The following SYT10 variants were observed in gnomAD, a reference collection of about 807,000 sequenced individuals.
The protein encoded by SYT10 is synaptotagmin 10.
SYT10 carries 31 observed loss-of-function variants against 51.1 expected under a neutral mutation model. The ratio of observed to expected loss-of-function variants is 0.61; its 90% CI spans 0.46 to 0.82. The LOEUF (loss-of-function observed/expected upper bound fraction) is 0.82. Among genes scored for constraint, SYT10 ranks in the 40% least tolerant of loss-of-function variants. The pLI, the probability that SYT10 is intolerant of heterozygous loss-of-function variation, is 0.00. For synonymous variants in SYT10, 233 were observed against 225.9 expected (o/e 1.03, Z -0.28); for missense variants, 603 against 634.0 (o/e 0.95, Z 0.53).
At chr12:33,390,718 T>A (rs1412042892) in intron 3 of SYT10, among the ~76,000 whole-genome samples, 1 of 152,180 alleles carries the variant, frequency 6.6e-6, no homozygotes, top group Non-Finnish European at 1.5e-5. Context: ...ATTCATTCAT[T>A]AGCACGGTCA....
At chr12:33,428,413 A>C (rs1409213715) in intron 1 of SYT10, among the ~76,000 whole-genome samples, 1 of 152,218 alleles carries the variant, frequency 6.6e-6, no homozygotes, top group Non-Finnish European at 1.5e-5. Context: ...AGGAGAAAGA[A>C]AGATATGCAA....
At chr12:33,415,620 C>T (rs1866446159) in intron 2 of SYT10, among the ~76,000 whole-genome samples, 1 of 152,178 alleles carries the variant, frequency 6.6e-6, no homozygotes, top group Admixed American at 6.5e-5. Context: ...AAATTTATCT[C>T]TATTTTAATA....
intron 3 of SYT10, among the ~76,000 whole-genome samples, chr12:33,399,076 A>T (rs1319050391): frequency 6.6e-6 from 1 of 152,208 alleles, no homozygotes; most frequent in Non-Finnish European, 1.5e-5. Flanking sequence ...TTACCAGTAC[A>T]ACCATGTAGG....
chr12:33,434,356 AT>A (rs1303297319), intron 1 of SYT10, among the ~76,000 whole-genome samples: 1 of 152,204 alleles, frequency 6.6e-6, no homozygotes, highest in East Asian at 1.9e-4. Flanking sequence ...TCTATATAGG[AT>A]ATTGTATTAG....
intron 1 of SYT10, among the ~76,000 whole-genome samples, chr12:33,438,917 G>T (rs1236786297): frequency 2.0e-5 from 3 of 152,246 alleles, no homozygotes; most frequent in Admixed American, 2.0e-4. Context: ...TGTCCGTCCC[G>T]CCTGGCCCCC....
At chr12:33,394,222 T>G (rs1309729008) in intron 3 of SYT10, among the ~76,000 whole-genome samples, 2 of 152,222 alleles carry the variant, frequency 1.3e-5, no homozygotes, top group Non-Finnish European at 2.9e-5. Context: ...CTAAAAGCAC[T>G]GTAAAAGCAT....
chr12:33,389,050 A>G (rs1434809899), intron 3 of SYT10, among the ~76,000 whole-genome samples: 1 of 152,248 alleles, frequency 6.6e-6, no homozygotes, highest in African/African-American at 2.4e-5. Flanking sequence ...GGCTTAAAGA[A>G]TTAACCAGAT....
chr12:33,381,229 T>G (rs1866112208), intron 5 of SYT10, among the ~76,000 whole-genome samples: 1 of 152,158 alleles, frequency 6.6e-6, no homozygotes, highest in African/African-American at 2.4e-5. Context: ...AAGTTAAAAT[T>G]TTTTAAAAAT....
At chr12:33,402,125 T>C (rs73089921) in intron 3 of SYT10, among the ~76,000 whole-genome samples, 1 of 152,308 alleles carries the variant, frequency 6.6e-6, no homozygotes, top group Non-Finnish European at 1.5e-5. Context: ...CTCTGATCCA[T>C]TGTACACGTG....
rs1357238363 is a variant in SYT10, at chr12:33,387,125, CT to C, written c.1078-1835del. On this transcript the variant is annotated intron_variant, in intron 3 of 6. Transcript: ENST00000228567. The stretch of plus-strand genomic sequence containing the variant: ...AGGTCCACAGAGCTGGGGTCTTAAA[CT>C]TTTTTCATGATACACTATTAACATC... Among the ~76,000 whole-genome samples the C allele has an allele frequency of 2.0e-5, 3 of 152,074 alleles. No homozygotes were observed. In the East Asian group the frequency reaches 5.8e-4, roughly 29 times the overall value.
chr12:33,386,836 C>T lies in SYT10; in HGVS notation c.1078-1545G>A, dbSNP rs1292504125. Among the ~76,000 whole-genome samples the T allele has an allele frequency of 8.5e-5, 13 of 152,224 alleles. No homozygotes were observed. The East Asian group carries it at 2.3e-3, about 27-fold the overall frequency. On this transcript the variant is annotated intron_variant, in intron 3 of 6. Transcript: ENST00000228567. ...ATACCAGTTCATATTTTTTGAAGAA[C>T]TGAATACATTATTTAATTAATCTGG... is the stretch of plus-strand genomic sequence containing the variant.
At chr12:33,410,672 G>A (rs57100092) in intron 2 of SYT10, among the ~76,000 whole-genome samples, 1,716 of 152,300 alleles carry the variant, frequency 0.011, 27 homozygotes, top group African/African-American at 0.037. Context: ...AGAATGAGAA[G>A]CTTTAGTGTG....
At chr12:33,428,617 C>T (rs146676751) in intron 1 of SYT10, among the ~76,000 whole-genome samples, 11 of 152,226 alleles carry the variant, frequency 7.2e-5, no homozygotes, top group Admixed American at 1.3e-4. Flanking sequence ...GATTAAGAAA[C>T]GACTGGCGGC....
In SYT10 at chr12:33,407,284, T is replaced by A; in HGVS notation, c.582A>T (p.Glu194Asp). The A allele has an allele frequency of 6.2e-7, 1 of 1,612,994 alleles. No individual in the cohort carries two copies. Among genetic ancestry groups the A allele is most frequent in the South Asian group, 1.1e-5 (1 of 91,078 alleles). Residue 194 changes from glutamate to aspartate, a missense_variant, in exon 3 of 7, where the codon GAA becomes GAT. Transcript: ENST00000228567. ...VSSVDFSMGT[E>D]PVLQRGETTT... ...TTGTTTCTCCTCGTTGTAAAACAGG[T>A]TCTGTGCCCATGCTAAAATCAACAC...
Position 33,392,985 on chromosome 12 carries a change from TAAAAAAAAAAAAAA to T in SYT10, c.1078-7708_1078-7695del, listed in dbSNP as rs71068378. 5.1e-5 allele frequency among the ~76,000 whole-genome samples: 3 copies of T among 59,088 alleles called. 1 individual carries two copies. Among genetic ancestry groups the T allele is most frequent in the African/African-American group, 1.8e-4 (2 of 11,064 alleles). The allele number at this position is 59,088 out of a possible 152,430, so 38.8% of individuals were successfully genotyped here. A position where few individuals can be genotyped will look rare whatever the true frequency, so the allele number is the denominator to read the frequency against. ...CAAAAATAATTGTGGTTTTTGCCAT[TAAAAAAAAAAAAAA>T]AAAAAAAAAAAAAAATTGCAAAAAC... is the stretch of plus-strand genomic sequence containing the variant. On this transcript the variant is annotated intron_variant, in intron 3 of 6. Transcript: ENST00000228567.
chr12:33,417,981 C>G (rs1866469722), intron 2 of SYT10, among the ~76,000 whole-genome samples: 1 of 152,198 alleles, frequency 6.6e-6, no homozygotes, highest in African/African-American at 2.4e-5. Flanking sequence ...ATTCACCCTA[C>G]TTTCTCTTTG....
Position 33,376,273 on chromosome 12 carries a change from CA to C in SYT10, c.*556del, listed in dbSNP as rs1866061159. On this transcript the variant is annotated 3_prime_UTR_variant, in exon 7 of 7. Transcript: ENST00000228567. ...CTTGAGAGACAAGTTTTGAGTTTAG[CA>C]GAGCCAAACCTCACCAAGAAAGTAA... 2.0e-5 allele frequency: 3 copies of C among 152,138 alleles called. No individual in the cohort carries two copies. In the South Asian group the frequency reaches 6.2e-4, roughly 32 times the overall value. The allele number at this position is 152,138 out of a possible 1,614,324, so 9.4% of individuals were successfully genotyped here.
At chr12:33,388,307 T>C (rs1166875223) in intron 3 of SYT10, among the ~76,000 whole-genome samples, 1 of 152,186 alleles carries the variant, frequency 6.6e-6, no homozygotes, top group Non-Finnish European at 1.5e-5. Context: ...ATATGTTCTG[T>C]TCAAGAAAAT....
chr12:33,387,749 T>TTTG (rs1008323638), intron 3 of SYT10, among the ~76,000 whole-genome samples: 1 of 129,360 alleles, frequency 7.7e-6, no homozygotes, highest in African/African-American at 2.8e-5. Flanking sequence ...TCTAACATGT[T>TTTG]TTTTTTTTTT....
Sources: gnomAD v4.1 joint callset for allele counts (sites outside exome capture counted in the v4.1 genomes callset) on GRCh38, gnomAD v4.1.1 for gene constraint, MANE v1.5 for transcripts, NCBI Gene and HGNC (gene_info 2026-07-23, HGNC 2026-07-21) for gene names.